Variants in FRMD6 observed in about 807,000 individuals in gnomAD.
The protein encoded by FRMD6 is FERM domain containing 6.
In FRMD6, 37 loss-of-function variants were observed where a neutral mutation model predicts 73.2. The observed-to-expected ratio is 0.51, with a 90% CI of 0.39 to 0.66. The LOEUF (loss-of-function observed/expected upper bound fraction) is 0.66, where lower values mean the gene tolerates loss of function less well. Ranked by LOEUF, FRMD6 falls within the 30% of genes least tolerant of loss-of-function variation. The pLI, the probability that FRMD6 is intolerant of heterozygous loss-of-function variation, is 0.00. For missense variants in FRMD6, 714 were observed against 780.5 expected (o/e 0.91, Z 1.02); for synonymous variants, 273 against 282.2 (o/e 0.97, Z 0.33).
chr14:51,509,614 T>C (rs1884178417), intron 1 of FRMD6, among the ~76,000 whole-genome samples: 1 of 152,116 alleles, frequency 6.6e-6, no homozygotes, highest in South Asian at 2.1e-4. Context: ...AATGCACATA[T>C]ATGTATATAC....
At chr14:51,679,404 T>G (rs1018714531) in intron 1 of FRMD6, among the ~76,000 whole-genome samples, 1 of 150,616 alleles carries the variant, frequency 6.6e-6, no homozygotes, top group Non-Finnish European at 1.5e-5. Flanking sequence ...ATGTAGCATA[T>G]AGAGAGAGAG....
chr14:51,410,625 G>GA, the FRMD6 span, among the ~76,000 whole-genome samples: 1 of 152,158 alleles, frequency 6.6e-6, no homozygotes, highest in Non-Finnish European at 1.5e-5. Context: ...TCAGATATGT[G>GA]AAAATACTTT....
At chr14:51,486,215 T>C (rs1227149092), upstream of FRMD6, among the ~76,000 whole-genome samples, 1 of 152,008 alleles carries the variant, frequency 6.6e-6, no homozygotes, top group Admixed American at 6.5e-5. Flanking sequence ...TTTGTATTTT[T>C]AGTAGAGACG....
chr14:51,705,186 T>A (rs1205193445), intron 6 of FRMD6, among the ~76,000 whole-genome samples: 2 of 152,110 alleles, frequency 1.3e-5, no homozygotes, highest in African/African-American at 4.8e-5. Context: ...TTTACCAGCC[T>A]CCTTTCAGCA....
chr14:51,685,011 A>C (rs1354064363), intron 1 of FRMD6, among the ~76,000 whole-genome samples: 1 of 152,196 alleles, frequency 6.6e-6, no homozygotes, highest in East Asian at 1.9e-4. Context: ...TCACAGCACC[A>C]GACCAGATCC....
chr14:51,413,685 T>G, the FRMD6 span, among the ~76,000 whole-genome samples: 6 of 152,324 alleles, frequency 3.9e-5, no homozygotes, highest in African/African-American at 7.2e-5. Flanking sequence ...GTAATAGGAT[T>G]GCTGGGTCAA....
chr14:51,538,671 T>G (rs753180669), intron 1 of FRMD6, among the ~76,000 whole-genome samples: 6 of 152,208 alleles, frequency 3.9e-5, no homozygotes, highest in Admixed American at 6.5e-5. Context: ...CCCATAATTT[T>G]CCTGGCACCC....
At chr14:51,659,172 G>A (rs1300879290) in intron 1 of FRMD6, among the ~76,000 whole-genome samples, 1 of 152,142 alleles carries the variant, frequency 6.6e-6, no homozygotes, top group Non-Finnish European at 1.5e-5. Context: ...TGTAACCTTG[G>A]GGAAGTTACT....
the FRMD6 span, among the ~76,000 whole-genome samples, chr14:51,399,059 C>T: frequency 4.3e-4 from 65 of 152,350 alleles, no homozygotes; most frequent in African/African-American, 1.6e-3. Flanking sequence ...AAACTGCTCA[C>T]TGCTCCTAGC....
the FRMD6 span, among the ~76,000 whole-genome samples, chr14:51,477,737 C>CTTTTTTTTTTTTTTTTTTTTTTT: frequency 7.5e-6 from 1 of 134,172 alleles, no homozygotes; most frequent in Non-Finnish European, 1.6e-5. Context: ...TTTTCTTTTT[C>CTTTTTTTTTTTTTTTTTTTTTTT]TTTTTTTTTT....
At chr14:51,721,883 T>C in intron 11 of FRMD6, 66 bp from the exon 12 acceptor site, 1 of 1,571,258 alleles carries the variant, frequency 6.4e-7, no homozygotes. Flanking sequence ...CCTCAAAATA[T>C]GGTTGCATAT....
chr14:51,672,751 A>T (rs1894099723), intron 1 of FRMD6, among the ~76,000 whole-genome samples: 1 of 152,182 alleles, frequency 6.6e-6, no homozygotes, highest in African/African-American at 2.4e-5. Flanking sequence ...TTTGTCTTTT[A>T]ACAGATTTGT....
At chr14:51,464,799 C>G in the FRMD6 span, among the ~76,000 whole-genome samples, 1 of 152,152 alleles carries the variant, frequency 6.6e-6, no homozygotes, top group Non-Finnish European at 1.5e-5. Flanking sequence ...TCTTACCCAT[C>G]TTGGCCCCCA....
intron 1 of FRMD6, among the ~76,000 whole-genome samples, chr14:51,500,756 A>ATGTG (rs370389521): frequency 3.3e-5 from 5 of 150,956 alleles, no homozygotes; most frequent in African/African-American, 1.2e-4. Context: ...ATATATACAT[A>ATGTG]TGTGTGTGTG....
intron 2 of FRMD6, among the ~76,000 whole-genome samples, chr14:51,589,559 A>C (rs1026254380): frequency 6.6e-6 from 1 of 151,994 alleles, no homozygotes; most frequent in African/African-American, 2.4e-5. Flanking sequence ...CTCTCCACTG[A>C]GGGATGAAAA....
chr14:51,496,613 C>G (rs560364609), intron 1 of FRMD6, among the ~76,000 whole-genome samples: 1 of 152,198 alleles, frequency 6.6e-6, no homozygotes, highest in Non-Finnish European at 1.5e-5. Context: ...AGTTGCACAG[C>G]ATTACTTCTG....
At chr14:51,613,863 A>T (rs117960016) in intron 2 of FRMD6, among the ~76,000 whole-genome samples, 1,569 of 152,300 alleles carry the variant, frequency 0.01, 12 homozygotes, top group Non-Finnish European at 0.016. Flanking sequence ...TGAAATTAAT[A>T]TTAACAATAT....
chr14:51,698,452 T>C (rs1031614482), intron 3 of FRMD6, among the ~76,000 whole-genome samples: 2 of 152,150 alleles, frequency 1.3e-5, no homozygotes, highest in South Asian at 4.1e-4. Flanking sequence ...TTATTTATTA[T>C]AGTTTGAACT....
intron 1 of FRMD6, among the ~76,000 whole-genome samples, chr14:51,504,321 G>C (rs931195708): frequency 2.0e-5 from 3 of 152,200 alleles, no homozygotes; most frequent in Non-Finnish European, 4.4e-5. Flanking sequence ...CTGTACTGGG[G>C]CGTACTGACC....
Sources: gnomAD v4.1 joint callset for allele counts (sites outside exome capture counted in the v4.1 genomes callset) on GRCh38, gnomAD v4.1.1 for gene constraint, MANE v1.5 for transcripts, NCBI Gene and HGNC (gene_info 2026-07-23, HGNC 2026-07-21) for gene names.